Variants in CFHR3 observed in about 807,000 individuals in gnomAD.
The protein encoded by CFHR3 is complement factor H related 3, also known as complement factor H-related protein 3.
Under a neutral mutation model 36.0 loss-of-function variants are expected in CFHR3, and 22 were observed. The ratio of observed to expected loss-of-function variants is 0.61; its 90% CI spans 0.44 to 0.87. The LOEUF (loss-of-function observed/expected upper bound fraction) is 0.87. CFHR3 is among the 40% of genes least tolerant of loss of function. The pLI is 0.00. For synonymous variants in CFHR3, 97 were observed against 137.4 expected (o/e 0.71, Z 2.06); for missense variants, 276 against 401.3 (o/e 0.69, Z 2.67).
At chr1:196,784,847 T>C (rs1654124030) in intron 3 of CFHR3, among the ~76,000 whole-genome samples, 1 of 135,992 alleles carries the variant, frequency 7.4e-6, no homozygotes, top group Non-Finnish European at 1.6e-5. Flanking sequence ...CCTGTCATTA[T>C]GATGTTAGCT....
intron 3 of CFHR3, among the ~76,000 whole-genome samples, chr1:196,782,594 GCTCT>G (rs1654002294): frequency 7.3e-6 from 1 of 136,352 alleles, no homozygotes; most frequent in Non-Finnish European, 1.6e-5. Context: ...TCATGATTTG[GCTCT>G]CTGTTTGTCT....
chr1:196,788,413 T>C lies in CFHR3; in HGVS notation c.613+15T>C, dbSNP rs745852616. The C allele has an allele frequency of 3.2e-5, 49 of 1,525,178 alleles. 7 individuals carry two copies. The highest frequency in any genetic ancestry group is 4.3e-5 in the Non-Finnish European group (49 of 1,130,462). 94.5% of individuals were successfully genotyped at this position (1,525,178 alleles called of 1,614,324 possible). On this transcript the variant is annotated intron_variant, in intron 4 of 5. Coordinates refer to ENST00000367425, the MANE Select transcript of CFHR3 (RefSeq NM_021023.6). ...AATTTGCATTAGTAAGTGATTTACATATTCCCATTCAGTTTCTGTCAACTT... is the reference window on the plus strand; with the variant it reads ...AATTTGCATTAGTAAGTGATTTACACATTCCCATTCAGTTTCTGTCAACTT...
intron 3 of CFHR3, among the ~76,000 whole-genome samples, chr1:196,787,088 C>T (rs1654235865): frequency 7.3e-6 from 1 of 137,436 alleles, no homozygotes; most frequent in Admixed American, 7.0e-5. Context: ...ATTTACAAAA[C>T]ATTCCATTAT....
chr1:196,786,518 CT>C (rs879262275), intron 3 of CFHR3, among the ~76,000 whole-genome samples: 2,249 of 135,986 alleles, frequency 0.017, 565 homozygotes, highest in African/African-American at 0.066. Flanking sequence ...GCAGGCCCCC[CT>C]CCCCCAGCCT....
Position 196,775,042 on chromosome 1 carries a change from AG to A in CFHR3, c.58+100del. Reference sequence around the variant, plus strand: ...TCTATAATTATTTTATGAATCAAAGAGGATTTATTCACTATGCTAGTAGAAG... The same window carrying A: ...TCTATAATTATTTTATGAATCAAAGAGATTTATTCACTATGCTAGTAGAAG... On this transcript the variant is annotated intron_variant, in intron 1 of 5. Coordinates refer to ENST00000367425, the MANE Select transcript of CFHR3 (RefSeq NM_021023.6). 1.9e-6 allele frequency: 2 copies of A among 1,080,518 alleles called. 1 individual carries two copies. Among genetic ancestry groups the A allele is most frequent in the Non-Finnish European group, 2.7e-6 (2 of 737,344 alleles). The allele number at this position is 1,080,518 out of a possible 1,614,324, so 66.9% of individuals were successfully genotyped here.
At chr1:196,788,983 G>A in intron 4 of CFHR3, 3 of 1,313,674 alleles carry the variant, frequency 2.3e-6, no homozygotes, top group Non-Finnish European at 1.9e-6. Context: ...CCTCATACTT[G>A]CCAATGGATT....
At position 196,775,590 on chromosome 1, in the gene CFHR3, T is replaced by C. The variant is rs1014702357; in HGVS notation, c.58+646T>C. On this transcript the variant is annotated intron_variant, in intron 1 of 5. Coordinates refer to ENST00000367425, the MANE Select transcript of CFHR3 (RefSeq NM_021023.6). ...CTAGCAAATGTTCAATAAGTAAATA[T>C]ACAGAAAATACTTTTCATAGCGTTA... Among the ~76,000 whole-genome samples, 7 of 137,260 alleles carry C rather than the reference T, an allele frequency of 5.1e-5. 1 individual carries two copies. Among genetic ancestry groups the C allele is most frequent in the Middle Eastern group, 4.0e-3 (1 of 252 alleles). The allele number at this position is 137,260 out of a possible 152,430, so 90.0% of individuals were successfully genotyped here.
chr1:196,790,136 C>A lies in CFHR3; in HGVS notation c.705C>A (p.Val235=). 7.3e-7 allele frequency: 1 copy of A among 1,374,052 alleles called. No homozygotes were observed. Among genetic ancestry groups the A allele is most frequent in the Non-Finnish European group, 9.7e-7 (1 of 1,030,798 alleles). 85.1% of individuals were successfully genotyped at this position (1,374,052 alleles called of 1,614,324 possible). A position where few individuals can be genotyped will look rare whatever the true frequency, so the allele number is the denominator to read the frequency against. The stretch of plus-strand genomic sequence containing the variant: ...AAGTGTATGTGCCACAGTCAAGAGT[C>A]GAGTACCAATGCCAGCCCTACTATG... ...LLKVYVPQSR[V]EYQCQPYYEL... The change falls in exon 5 of 6, where the codon GTC becomes GTA. Residue 235 remains valine (V), a synonymous_variant. Transcript: ENST00000367425.
rs1382130047 is a variant in CFHR3 at position 196,775,148 on chromosome 1, T to C, written c.58+204T>C. On this transcript the variant is annotated intron_variant, in intron 1 of 5. Coordinates refer to ENST00000367425, the MANE Select transcript of CFHR3 (RefSeq NM_021023.6). ...TTTAACTTAAAGAAAAAATGAATAA[T>C]GTTTTATTTGTTTTCTAAGTTCTAC... Among the ~76,000 whole-genome samples the C allele has an allele frequency of 2.2e-5, 3 of 137,216 alleles. 1 individual carries two copies. Among genetic ancestry groups the C allele is most frequent in the Non-Finnish European group, 4.7e-5 (3 of 64,452 alleles). The allele number at this position is 137,216 out of a possible 152,430, so 90.0% of individuals were successfully genotyped here. A position where few individuals can be genotyped will look rare whatever the true frequency, so the allele number is the denominator to read the frequency against.
rs370613851 is a variant in CFHR3, at chr1:196,791,340, C to G, written c.796+1113C>G. On this transcript the variant is annotated intron_variant, in intron 5 of 5. Coordinates refer to ENST00000367425, the MANE Select transcript of CFHR3 (RefSeq NM_021023.6). ...AAAATATAAGCCACAATGATTATGGCAACAACAAGAAAACCTAAAAGAAAA... is the reference window on the plus strand; with the variant it reads ...AAAATATAAGCCACAATGATTATGGGAACAACAAGAAAACCTAAAAGAAAA... Among the ~76,000 whole-genome samples the G allele has an allele frequency of 4.4e-5, 6 of 136,442 alleles. 1 individual carries two copies. In the East Asian group the frequency reaches 7.8e-4, roughly 18 times the overall value. 89.5% of individuals were successfully genotyped at this position (136,442 alleles called of 152,430 possible).
chr1:196,780,800 T>C (rs1485979685), intron 3 of CFHR3, among the ~76,000 whole-genome samples: 3 of 134,322 alleles, frequency 2.2e-5, no homozygotes, highest in Non-Finnish European at 4.7e-5. Context: ...GTTCTTTTTT[T>C]ATATTTTATT....
At position 196,779,998 on chromosome 1, in the gene CFHR3, A is replaced by G. The variant is rs767158897; in HGVS notation, c.430+25A>G. 3.3e-6 allele frequency: 5 copies of G among 1,531,400 alleles called. 1 individual carries two copies. In the Admixed American group the frequency reaches 6.9e-5, roughly 21 times the overall value. The allele number at this position is 1,531,400 out of a possible 1,614,324, so 94.9% of individuals were successfully genotyped here. A position where few individuals can be genotyped will look rare whatever the true frequency, so the allele number is the denominator to read the frequency against. ...AGTAAGTACACCGCTCTGAGATCCC[A>G]GCATGTTCATGTCTTTCTAAGTAAC... On this transcript the variant is annotated intron_variant, in intron 3 of 5. Transcript: ENST00000367425.
chr1:196,779,285 C>T lies in CFHR3; in HGVS notation c.182C>T (p.Thr61Ile), dbSNP rs767568885. The T allele has an allele frequency of 6.5e-7, 1 of 1,529,162 alleles. No homozygotes were observed. The highest frequency in any genetic ancestry group is 8.9e-7 in the Non-Finnish European group (1 of 1,129,782). 94.7% of individuals were successfully genotyped at this position (1,529,162 alleles called of 1,614,324 possible). A position where few individuals can be genotyped will look rare whatever the true frequency, so the allele number is the denominator to read the frequency against. Residue 61 changes from threonine (T) to isoleucine (I), a missense_variant, in exon 2 of 6, where the codon ACT (threonine) becomes ATT (isoleucine). By Grantham distance (89) the Thr-to-Ile change is moderately conservative (BLOSUM62 -1). Transcript: ENST00000367425. Reference sequence around the variant, plus strand: ...TATTACTGTGATGAACATTTTGAGACTCCTTCAGGAAGTTACTGGGATTAC... The same window carrying T: ...TATTACTGTGATGAACATTTTGAGATTCCTTCAGGAAGTTACTGGGATTAC... ...YSYYCDEHFE[T>I]PSGSYWDYIH...
intron 5 of CFHR3, among the ~76,000 whole-genome samples, chr1:196,792,500 T>G (rs1322046285): frequency 9.0e-6 from 1 of 111,704 alleles, no homozygotes; most frequent in Non-Finnish European, 1.7e-5. Context: ...GGAACAAACC[T>G]GCACATCCTG....
intron 1 of CFHR3, among the ~76,000 whole-genome samples, chr1:196,776,732 G>T (rs1276468054): frequency 7.4e-6 from 1 of 135,966 alleles, no homozygotes; most frequent in East Asian, 2.0e-4. Context: ...GAAATCAGTA[G>T]TACTTTGTTA....
intron 3 of CFHR3, among the ~76,000 whole-genome samples, 193 bp downstream of exon 3, chr1:196,780,166 C>T (rs116521164): frequency 0.018 from 2,507 of 137,428 alleles, 680 homozygotes; most frequent in African/African-American, 0.072. Flanking sequence ...AAAATAAATG[C>T]TCCTATTAAT....
chr1:196,794,533 T>C lies in CFHR3; in HGVS notation c.*1020T>C. On this transcript the variant is annotated 3_prime_UTR_variant, in exon 6 of 6. Coordinates refer to ENST00000367425, the MANE Select transcript of CFHR3 (RefSeq NM_021023.6). ...ATTCTTTTTCTGATTTATTTAAGGC[T>C]ACATTTGTATTTTCTTAATACAAAT... 2 of 391,058 alleles carry C rather than the reference T, an allele frequency of 5.1e-6. No homozygotes were observed. The highest frequency in any genetic ancestry group is 9.9e-6 in the Non-Finnish European group (2 of 201,322). The allele number at this position is 391,058 out of a possible 1,614,324, so 24.2% of individuals were successfully genotyped here.
chr1:196,789,373 C>G (rs1373158468), intron 4 of CFHR3: 1 of 899,936 alleles, frequency 1.1e-6, no homozygotes, highest in African/African-American at 2.3e-5. Flanking sequence ...TGAATTCCTA[C>G]ATTTCTAGAA....
chr1:196,794,809 T>A lies in CFHR3; in HGVS notation c.*1296T>A, dbSNP rs380424. 2.3e-3 allele frequency: 580 copies of A among 246,920 alleles called. 70 individuals carry two copies. Among genetic ancestry groups the A allele is most frequent in the Middle Eastern group, 6.8e-3 (4 of 586 alleles). 15.3% of individuals were successfully genotyped at this position (246,920 alleles called of 1,614,324 possible). A position where few individuals can be genotyped will look rare whatever the true frequency, so the allele number is the denominator to read the frequency against. The stretch of plus-strand genomic sequence containing the variant: ...GTTGCAGGGTAAGAAGAAAACAATG[T>A]TCCCTTTCCCAACACTTTTCCTGAT... On this transcript the variant is annotated 3_prime_UTR_variant, in exon 6 of 6. Transcript: ENST00000367425.
Sources: allele counts gnomAD v4.1 joint callset (sites outside exome capture counted in the v4.1 genomes callset), GRCh38; gene constraint gnomAD v4.1.1; transcripts MANE v1.5; gene names NCBI Gene and HGNC (gene_info 2026-07-23, HGNC 2026-07-21).